The following TANGO6 variants were observed in gnomAD, a reference collection of about 807,000 sequenced individuals.
The protein encoded by TANGO6 is transport and golgi organization 6 homolog, also known as transport and Golgi organization protein 6 homolog.
In TANGO6, 90 loss-of-function variants were observed where a neutral mutation model predicts 114.2. The observed-to-expected ratio is 0.79, with a 90% CI of 0.66 to 0.94. The LOEUF is 0.94. TANGO6 is among the 40% of genes least tolerant of loss of function. The pLI is 0.00. For missense variants in TANGO6, 1,274 were observed against 1,315.3 expected (o/e 0.97, Z 0.49); for synonymous variants, 477 against 509.8 (o/e 0.94, Z 0.87).
At chr16:69,028,306 T>G (rs1322584359) in intron 16 of TANGO6, among the ~76,000 whole-genome samples, 3 of 151,990 alleles carry the variant, frequency 2.0e-5, no homozygotes, top group Non-Finnish European at 4.4e-5. Flanking sequence ...TGAGATACAC[T>G]TCACACACTA....
intron 14 of TANGO6, among the ~76,000 whole-genome samples, chr16:68,932,714 C>T (rs961689246): frequency 2.6e-5 from 4 of 151,940 alleles, no homozygotes; most frequent in Admixed American, 6.6e-5. Flanking sequence ...TGCCTGAACC[C>T]AGGAGGCCAA....
chr16:69,009,271 G>C (rs944000594), intron 15 of TANGO6, among the ~76,000 whole-genome samples: 4 of 151,546 alleles, frequency 2.6e-5, no homozygotes, highest in Non-Finnish European at 4.4e-5. Flanking sequence ...AGTAGAGACG[G>C]GGTTTCTCCA....
At chr16:68,891,383 CG>C (rs1962617229) in intron 7 of TANGO6, among the ~76,000 whole-genome samples, 1 of 150,256 alleles carries the variant, frequency 6.7e-6, no homozygotes, top group African/African-American at 2.4e-5. Context: ...TCACCTGAAC[CG>C]GGGAGGCGGA....
intron 5 of TANGO6, among the ~76,000 whole-genome samples, chr16:68,875,694 G>T (rs1164814344): frequency 2.6e-5 from 4 of 151,896 alleles, no homozygotes; most frequent in Non-Finnish European, 5.9e-5. Flanking sequence ...GATTGAACCC[G>T]GGAGGCGGAG....
At chr16:69,062,061 TTCTC>T (rs1301196137) in intron 17 of TANGO6, among the ~76,000 whole-genome samples, 2 of 152,212 alleles carry the variant, frequency 1.3e-5, no homozygotes, top group East Asian at 1.9e-4. Flanking sequence ...GCCTGTGACT[TTCTC>T]TATCTTCAGA....
intron 7 of TANGO6, among the ~76,000 whole-genome samples, chr16:68,895,939 A>ATTTT (rs1962697648): frequency 2.0e-5 from 3 of 148,546 alleles, no homozygotes; most frequent in African/African-American, 7.3e-5. Flanking sequence ...TTTTAATTTT[A>ATTTT]ATTTTATTTT....
intron 1 of TANGO6, among the ~76,000 whole-genome samples, chr16:68,847,092 G>A (rs149159843): frequency 0.026 from 3,988 of 151,590 alleles, 168 homozygotes; most frequent in African/African-American, 0.089. Context: ...GTTTCTCTAC[G>A]TTGGTCAGGC....
chr16:68,920,011 C>T (rs1963068394), intron 12 of TANGO6, among the ~76,000 whole-genome samples: 1 of 152,206 alleles, frequency 6.6e-6, no homozygotes, highest in Non-Finnish European at 1.5e-5. Context: ...CGTGCCATTG[C>T]ACTCCAGCCT....
chr16:68,927,739 C>T lies in TANGO6; in HGVS notation c.2299C>T (p.Leu767=). The T allele has an allele frequency of 2.5e-6, 4 of 1,613,908 alleles. No homozygotes were observed. The highest frequency in any genetic ancestry group is 3.4e-6 in the Non-Finnish European group (4 of 1,179,878). ...CGTCAGCATGGCTGCCCAAAGTACA[C>T]TGAACAGAAAAGATCTGGAAGGGAA... ...EAVSMAAQST[L]NRKDLEGKIE... The change falls in exon 13 of 18, where the codon CTG becomes TTG. Residue 767 remains leucine (L), a synonymous_variant. Coordinates refer to ENST00000261778, the MANE Select transcript of TANGO6 (RefSeq NM_024562.2).
At chr16:69,055,694 C>CA (rs1307981215) in intron 17 of TANGO6, among the ~76,000 whole-genome samples, 1 of 152,172 alleles carries the variant, frequency 6.6e-6, no homozygotes, top group Admixed American at 6.6e-5. Flanking sequence ...TAGATTTCCT[C>CA]AACAGTAACT....
At chr16:68,980,435 A>ATTTTTT (rs1291932299) in intron 15 of TANGO6, among the ~76,000 whole-genome samples, 7 of 61,776 alleles carry the variant, frequency 1.1e-4, no homozygotes, top group African/African-American at 3.6e-4. Flanking sequence ...ATATATATAT[A>ATTTTTT]TTTTTTTTTT....
chr16:69,072,122 C>CGTGTGTGTGTGTGTGTGT, intron 17 of TANGO6, among the ~76,000 whole-genome samples: 1 of 116,682 alleles, frequency 8.6e-6, no homozygotes, highest in African/African-American at 3.5e-5. Flanking sequence ...AGAGGGAGAC[C>CGTGTGTGTGTGTGTGTGT]GTGTGTGTGT....
chr16:69,057,448 C>T (rs961207121), intron 17 of TANGO6, among the ~76,000 whole-genome samples: 6 of 152,090 alleles, frequency 3.9e-5, no homozygotes, highest in Admixed American at 3.3e-4. Flanking sequence ...AATAGGCTCA[C>T]AGAATTCTGC....
At chr16:68,960,047 G>A (rs1963573921) in intron 14 of TANGO6, among the ~76,000 whole-genome samples, 2 of 152,222 alleles carry the variant, frequency 1.3e-5, no homozygotes, top group South Asian at 4.1e-4. Flanking sequence ...GATATCCGAA[G>A]CCCCTCTTTT....
intron 10 of TANGO6, 110 bp from the exon 11 acceptor site, chr16:68,909,100 AC>A: frequency 1.0e-6 from 1 of 967,502 alleles, no homozygotes; most frequent in Non-Finnish European, 1.4e-6. Context: ...TGCAACAAAC[AC>A]AGACTATTTA....
intron 15 of TANGO6, among the ~76,000 whole-genome samples, chr16:68,988,548 G>T (rs1384972247): frequency 1.3e-5 from 2 of 152,018 alleles, no homozygotes; most frequent in Non-Finnish European, 2.9e-5. Context: ...AAAATCCTAA[G>T]AAATTTTTGT....
At chr16:69,003,450 G>A (rs996212659) in intron 15 of TANGO6, among the ~76,000 whole-genome samples, 2 of 152,236 alleles carry the variant, frequency 1.3e-5, no homozygotes, top group Non-Finnish European at 2.9e-5. Context: ...CAGAAGGTAA[G>A]CACCATATTG....
intron 11 of TANGO6, among the ~76,000 whole-genome samples, chr16:68,913,008 A>T (rs1356514082): frequency 7.0e-6 from 1 of 143,850 alleles, no homozygotes; most frequent in Non-Finnish European, 1.5e-5. Flanking sequence ...TGAACCCGGG[A>T]GGCGGAGGTT....
intron 17 of TANGO6, among the ~76,000 whole-genome samples, chr16:69,052,518 G>A (rs1002230028): frequency 1.3e-5 from 2 of 151,818 alleles, no homozygotes; most frequent in Admixed American, 1.3e-4. Flanking sequence ...TGCCCACCTC[G>A]GCCTCCCAAA....
Sources: gnomAD v4.1 joint callset for allele counts (sites outside exome capture counted in the v4.1 genomes callset) on GRCh38, gnomAD v4.1.1 for gene constraint, MANE v1.5 for transcripts, NCBI Gene and HGNC (gene_info 2026-07-23, HGNC 2026-07-21) for gene names.